Variants in FAM135A observed in about 807,000 individuals in gnomAD.
FAM135A encodes the protein protein FAM135A.
A neutral mutation model predicts 146.8 loss-of-function variants in FAM135A; 79 were observed. The observed-to-expected ratio is 0.54, with a 90% confidence interval of 0.45 to 0.65. The LOEUF is 0.65. Among genes scored for constraint, FAM135A ranks in the 30% least tolerant of loss-of-function variants. The probability of loss-of-function intolerance (pLI) is 0.00; values close to 1 mark genes in which losing one functional copy is unlikely to be tolerated. For synonymous variants in FAM135A, 562 were observed against 603.6 expected (o/e 0.93, Z 1.01); for missense variants, 1,623 against 1,758.2 (o/e 0.92, Z 1.38).
At chr6:70,435,063 G>A (rs942796675) in intron 4 of FAM135A, among the ~76,000 whole-genome samples, 8 of 92,728 alleles carry the variant, frequency 8.6e-5, no homozygotes, top group Non-Finnish European at 1.4e-4. Context: ...ATATATATAC[G>A]TGTGTGTGTG....
chr6:70,439,948 A>G (rs565965432), intron 4 of FAM135A, among the ~76,000 whole-genome samples: 2 of 152,344 alleles, frequency 1.3e-5, no homozygotes, highest in South Asian at 4.1e-4. Context: ...TGTTTTTAAC[A>G]TATTTGTAAA....
In FAM135A at chr6:70,477,149, C is replaced by A; in HGVS notation, c.369-10C>A. 6.2e-7 allele frequency: 1 copy of A among 1,606,928 alleles called. No individual in the cohort carries two copies. Among genetic ancestry groups the A allele is most frequent in the Non-Finnish European group, 8.5e-7 (1 of 1,176,416 alleles). On this transcript the variant is annotated splice_polypyrimidine_tract_variant and intron_variant, in intron 7 of 21. Transcript: ENST00000418814. ...TTTCATACTTACATGCTAAGTGTTC[C>A]TTTTTACAGGGCAGATGATCTGAAT...
At chr6:70,502,872 T>C in intron 12 of FAM135A, 81 bp downstream of exon 12, 1 of 1,363,186 alleles carries the variant, frequency 7.3e-7, no homozygotes, top group Middle Eastern at 2.1e-4. Context: ...ACAAACCTGA[T>C]TTTTACCTAT....
At chr6:70,489,909 A>G (rs1030759742) in intron 10 of FAM135A, among the ~76,000 whole-genome samples, 1 of 152,314 alleles carries the variant, frequency 6.6e-6, no homozygotes, top group Admixed American at 6.5e-5. Context: ...AAGGCCAGGT[A>G]TAACCAATAT....
At chr6:70,413,826 C>T (rs12110377) in intron 1 of FAM135A, 124 bp downstream of exon 1, 4 of 985,434 alleles carry the variant, frequency 4.1e-6, no homozygotes, top group African/African-American at 1.7e-5. Flanking sequence ...TCGCCCGCCG[C>T]GGCCCCTCAC....
At position 70,560,041 on chromosome 6, in the gene FAM135A, A is replaced by T; in HGVS notation, c.*120A>T. On this transcript the variant is annotated 3_prime_UTR_variant, in exon 22 of 22. Coordinates refer to ENST00000418814, the MANE Select transcript of FAM135A (RefSeq NM_001162529.3). ...AAATATTTATACCTTTTTATATGGA[A>T]GATAATTTATATCATCCATGTTTAG... The T allele has an allele frequency of 2.6e-6, 2 of 766,050 alleles. No individual in the cohort carries two copies. The highest frequency in any genetic ancestry group is 4.0e-6 in the Non-Finnish European group (2 of 500,908). 47.5% of individuals were successfully genotyped at this position (766,050 alleles called of 1,614,324 possible).
intron 21 of FAM135A, chr6:70,557,494 G>A (rs1801078113): frequency 6.6e-6 from 1 of 152,156 alleles, no homozygotes; most frequent in African/African-American, 2.4e-5. Context: ...AGGAGTTCGA[G>A]ACCAGCCTGG....
intron 3 of FAM135A, among the ~76,000 whole-genome samples, chr6:70,427,195 C>A (rs1416422671): frequency 6.6e-6 from 1 of 151,950 alleles, no homozygotes; most frequent in Non-Finnish European, 1.5e-5. Context: ...AGTCACCCAA[C>A]AATAGGGGAT....
rs1794514891 is a variant in FAM135A, at chr6:70,525,479, A to C, written c.2395A>C (p.Asn799His). 6.2e-7 allele frequency: 1 copy of C among 1,612,422 alleles called. No individual in the cohort carries two copies. The highest frequency in any genetic ancestry group is 8.5e-7 in the Non-Finnish European group (1 of 1,179,308). The part of the protein sequence containing the change: ...FETVQGQGPC[N>H]SERLFPQLLM... ...AACTGTGCAAGGGCAAGGTCCTTGC[A>C]ATAGTGAAAGATTATTTCCTCAGCT... Residue 799 changes from asparagine (N) to histidine (H), a missense_variant, in exon 15 of 22, where the codon AAT becomes CAT. Asn to His is a moderately conservative substitution (Grantham distance 68). This residue lies in a region of FAM135A where 1,061 missense variants were observed against 1,113.8 expected (regional missense o/e 0.95). Coordinates refer to ENST00000418814, the MANE Select transcript of FAM135A (RefSeq NM_001162529.3).
chr6:70,495,902 C>G (rs1214793619), intron 11 of FAM135A, among the ~76,000 whole-genome samples: 2 of 152,100 alleles, frequency 1.3e-5, no homozygotes, highest in African/African-American at 4.8e-5. Context: ...GTTTTCTGTT[C>G]CTGTGTTAGT....
chr6:70,435,182 C>G (rs1259251991), intron 4 of FAM135A, among the ~76,000 whole-genome samples: 1 of 149,146 alleles, frequency 6.7e-6, no homozygotes, highest in African/African-American at 2.5e-5. Context: ...TGGCTCACTG[C>G]AACCTCTGCC....
At chr6:70,518,916 C>A (rs770077500) in intron 12 of FAM135A, among the ~76,000 whole-genome samples, 11 of 152,220 alleles carry the variant, frequency 7.2e-5, no homozygotes, top group Non-Finnish European at 1.3e-4. Context: ...ACACAACGAT[C>A]TATTCTTCAG....
chr6:70,432,047 G>A (rs563366273), intron 4 of FAM135A, among the ~76,000 whole-genome samples: 46 of 152,158 alleles, frequency 3.0e-4, no homozygotes, highest in African/African-American at 1.1e-3. Flanking sequence ...ATAAAATCAT[G>A]TTAAGTTTTA....
At chr6:70,549,602 G>A (rs1199526313) in intron 20 of FAM135A, among the ~76,000 whole-genome samples, 1 of 151,902 alleles carries the variant, frequency 6.6e-6, no homozygotes, top group Non-Finnish European at 1.5e-5. Flanking sequence ...GTGTGTAATA[G>A]CATTATATCT....
chr6:70,480,706 C>G (rs1474434223), intron 8 of FAM135A, among the ~76,000 whole-genome samples, 195 bp from the exon 9 acceptor site: 1 of 152,110 alleles, frequency 6.6e-6, no homozygotes, highest in Non-Finnish European at 1.5e-5. Context: ...ACATCTAGCC[C>G]TAATTTTTTA....
In FAM135A at chr6:70,526,334, G is replaced by A. The variant is rs202020239; in HGVS notation, c.3250G>A (p.Glu1084Lys). Residue 1084 changes from glutamate to lysine, a missense_variant, in exon 15 of 22, where the codon GAG becomes AAG. Transcript: ENST00000418814. ...ISNLQQEQDKEDEEEEQDQQM... is the reference protein window; with the variant it reads ...ISNLQQEQDKKDEEEEQDQQM... ...TAATCTTCAGCAGGAACAGGATAAA[G>A]AGGATGAGGAGGAAGAGCAGGATCA... 2 of 1,613,386 alleles carry A rather than the reference G, an allele frequency of 1.2e-6. No individual in the cohort carries two copies. Among genetic ancestry groups the A allele is most frequent in the African/African-American group, 2.7e-5 (2 of 74,980 alleles).
intron 10 of FAM135A, among the ~76,000 whole-genome samples, chr6:70,484,237 T>C (rs771001764): frequency 4.6e-5 from 7 of 152,108 alleles, no homozygotes; most frequent in Non-Finnish European, 8.8e-5. Flanking sequence ...GAAGGAGAAA[T>C]TCACCCAGCA....
intron 5 of FAM135A, among the ~76,000 whole-genome samples, chr6:70,464,108 G>T (rs1157548190): frequency 6.6e-6 from 1 of 152,170 alleles, no homozygotes; most frequent in Non-Finnish European, 1.5e-5. Flanking sequence ...ATGGTTGAAT[G>T]AATAGTCACT....
At chr6:70,434,384 G>A (rs1025049013) in intron 4 of FAM135A, among the ~76,000 whole-genome samples, 1 of 152,154 alleles carries the variant, frequency 6.6e-6, no homozygotes, top group Non-Finnish European at 1.5e-5. Flanking sequence ...TTTCTAGAAT[G>A]CTTTAGGTCA....
Sources: gnomAD v4.1 joint callset for allele counts (sites outside exome capture counted in the v4.1 genomes callset) on GRCh38, gnomAD v4.1.1 for gene constraint, gnomAD v4.1.1 regional missense constraint, MANE v1.5 for transcripts, NCBI Gene and HGNC (gene_info 2026-07-23, HGNC 2026-07-21) for gene names.